Variants in NME9 observed in about 807,000 individuals in gnomAD.
The protein encoded by NME9 is NME/NM23 family member 9, also known as thioredoxin domain-containing protein 6.
In NME9, 48 loss-of-function variants were observed where a neutral mutation model predicts 44.4. The observed-to-expected ratio is 1.08, with a 90% CI of 0.86 to 1.37. NME9 has a LOEUF of 1.37. Among genes scored for constraint, NME9 ranks in the 40% most tolerant of loss-of-function variants. The pLI is 0.00. For synonymous variants in NME9, 139 were observed against 147.1 expected (o/e 0.94, Z 0.40); for missense variants, 325 against 405.2 (o/e 0.80, Z 1.70).
At chr3:138,268,581 A>G (rs1173739555) in intron 8 of NME9, among the ~76,000 whole-genome samples, 1 of 152,182 alleles carries the variant, frequency 6.6e-6, no homozygotes, top group Non-Finnish European at 1.5e-5. Flanking sequence ...ATTAACTCCC[A>G]ACCGGGGCAA....
intron 4 of NME9, among the ~76,000 whole-genome samples, chr3:138,316,246 T>C (rs2053071709): frequency 6.6e-6 from 1 of 152,204 alleles, no homozygotes; most frequent in Non-Finnish European, 1.5e-5. Context: ...GGAGGAACAA[T>C]ACATAGTAAG....
chr3:138,297,204 G>C (rs2051563296), downstream of NME9: 1 of 152,156 alleles, frequency 6.6e-6, no homozygotes, highest in South Asian at 2.1e-4. Context: ...GTTGAGAGAG[G>C]GGCAAGGGAA....
chr3:138,271,454 A>G (rs1183188726), intron 8 of NME9, among the ~76,000 whole-genome samples: 8 of 152,178 alleles, frequency 5.3e-5, no homozygotes, highest in Non-Finnish European at 1.2e-4. Flanking sequence ...TCCCACATCT[A>G]TCACTTAAAT....
At position 138,305,117 on chromosome 3, in the gene NME9, G is replaced by A. The variant is rs531004463; in HGVS notation, c.637-90C>T. 3.3e-6 allele frequency: 4 copies of A among 1,220,220 alleles called. No homozygotes were observed. The East Asian group carries it at 7.1e-5, about 22-fold the overall frequency. 75.6% of individuals were successfully genotyped at this position (1,220,220 alleles called of 1,614,324 possible). A position where few individuals can be genotyped will look rare whatever the true frequency, so the allele number is the denominator to read the frequency against. On this transcript the variant is annotated intron_variant, in intron 8 of 10. Transcript: ENST00000333911. ...AGCCCATCTCACCCACGGAATGGGA[G>A]GGAGTTAGTGAGCAGCCTTGCTACC...
intron 8 of NME9, among the ~76,000 whole-genome samples, chr3:138,281,853 A>C (rs2049964301): frequency 6.6e-6 from 1 of 152,116 alleles, no homozygotes; most frequent in Admixed American, 6.5e-5. Flanking sequence ...AGAGTCTAAA[A>C]GTGTTTACCA....
At chr3:138,274,675 G>T in intron 8 of NME9, 1 of 660,016 alleles carries the variant, frequency 1.5e-6, no homozygotes, top group Non-Finnish European at 2.6e-6. Context: ...GAAATAGGAA[G>T]AAATATCTTC....
intron 8 of NME9, chr3:138,284,596 T>C: frequency 8.7e-7 from 1 of 1,152,978 alleles, no homozygotes; most frequent in South Asian, 1.3e-5. Flanking sequence ...TCAAAATAAA[T>C]TGTGCAGAGA....
intron 1 of NME9, among the ~76,000 whole-genome samples, chr3:138,325,398 C>CTT (rs58680542): frequency 1.1e-4 from 15 of 140,378 alleles, no homozygotes; most frequent in Non-Finnish European, 9.4e-5. Flanking sequence ...GTAAAAATTT[C>CTT]TTTTTTTTTT....
chr3:138,311,004 TTAGC>T (rs1281842001), intron 6 of NME9, among the ~76,000 whole-genome samples: 2 of 152,008 alleles, frequency 1.3e-5, no homozygotes, highest in East Asian at 3.9e-4. Flanking sequence ...CAACGAAACT[TTAGC>T]TAGACTAAGA....
chr3:138,278,822 T>G (rs1419333822), intron 8 of NME9, among the ~76,000 whole-genome samples: 1 of 152,198 alleles, frequency 6.6e-6, no homozygotes. Flanking sequence ...TTGTAAATTT[T>G]ATTTTTAAAA....
intron 6 of NME9, among the ~76,000 whole-genome samples, chr3:138,309,681 C>T (rs1284671141): frequency 6.6e-6 from 1 of 151,618 alleles, no homozygotes; most frequent in Non-Finnish European, 1.5e-5. Flanking sequence ...CTAGAGTGAG[C>T]CAAGATCATG....
intron 8 of NME9, among the ~76,000 whole-genome samples, chr3:138,269,446 G>T (rs2048573039): frequency 6.6e-6 from 1 of 152,160 alleles, no homozygotes; most frequent in African/African-American, 2.4e-5. Flanking sequence ...GTAAAATGTG[G>T]CATGACTGTA....
chr3:138,324,748 G>T, intron 2 of NME9, 125 bp downstream of exon 2: 7 of 673,976 alleles, frequency 1.0e-5, no homozygotes, highest in East Asian at 8.9e-5. Context: ...ACATCACCTG[G>T]TTTTTTATGA....
At position 138,288,281 on chromosome 3, in the gene NME9, A is replaced by G. The variant is rs74440903; in HGVS notation, c.745+15226T>C. Among the ~76,000 whole-genome samples the G allele has an allele frequency of 2.8e-3, 433 of 152,326 alleles. 2 individuals are homozygous for G. The highest frequency in any genetic ancestry group is 3.9e-3 in the Non-Finnish European group (265 of 68,014). ...GGAATTATTGGGCCATTTGAATAAG[A>G]TAACCAGTAGCTTAAGAGATAAATA... On this transcript the variant is annotated intron_variant, in intron 8 of 8. Transcript: ENST00000317876.
chr3:138,271,929 G>A (rs566690241), intron 8 of NME9, among the ~76,000 whole-genome samples: 1 of 151,956 alleles, frequency 6.6e-6, no homozygotes, highest in South Asian at 2.1e-4. Context: ...CTGAGTAGCT[G>A]GGATTACAGG....
intron 2 of NME9, among the ~76,000 whole-genome samples, chr3:138,319,995 G>C (rs2053363678): frequency 6.6e-6 from 1 of 152,164 alleles, no homozygotes; most frequent in Non-Finnish European, 1.5e-5. Flanking sequence ...GTAATCCTTT[G>C]ATAACAAACA....
At chr3:138,268,494 A>G (rs998733174) in intron 8 of NME9, among the ~76,000 whole-genome samples, 2 of 152,142 alleles carry the variant, frequency 1.3e-5, no homozygotes, top group African/African-American at 4.8e-5. Flanking sequence ...TACCTTCAGG[A>G]TATTTAGGGT....
chr3:138,275,789 G>C (rs2049232640), intron 8 of NME9, among the ~76,000 whole-genome samples: 1 of 152,114 alleles, frequency 6.6e-6, no homozygotes, highest in Admixed American at 6.6e-5. Context: ...CAAAAAGTTG[G>C]TAGGTTTGAT....
chr3:138,301,200 C>CTT lies in NME9; in HGVS notation c.*438_*439dup. The CTT allele has an allele frequency of 3.6e-5, 26 of 728,266 alleles. No homozygotes were observed. The highest frequency in any genetic ancestry group is 1.3e-4 in the East Asian group (1 of 7,574). The allele number at this position is 728,266 out of a possible 1,614,324, so 45.1% of individuals were successfully genotyped here. ...AAGTATATACTATTCTCTTTCTTTA[C>CTT]TTTTTTTTTTATTATTATTATTAAG... On this transcript the variant is annotated 3_prime_UTR_variant, in exon 11 of 11. Coordinates refer to ENST00000333911, the MANE Select transcript of NME9 (RefSeq NM_001349018.2).
Sources: allele counts gnomAD v4.1 joint callset (sites outside exome capture counted in the v4.1 genomes callset), GRCh38; gene constraint gnomAD v4.1.1; transcripts MANE v1.5; gene names NCBI Gene and HGNC (gene_info 2026-07-23, HGNC 2026-07-21).